LUZP2: variants seen among roughly 807,000 people sequenced by gnomAD.
LUZP2 encodes leucine zipper protein 2.
A neutral mutation model predicts 51.6 loss-of-function variants in LUZP2; 52 were observed. The ratio of observed to expected loss-of-function variants is 1.01; its 90% CI spans 0.81 to 1.27. The LOEUF (loss-of-function observed/expected upper bound fraction) is 1.27. Among genes scored for constraint, LUZP2 ranks in the 50% most tolerant of loss-of-function variants. LUZP2 has a pLI of 0.00. For synonymous variants in LUZP2, 154 were observed against 137.3 expected, an observed-to-expected ratio of 1.12 and a Z score of -0.85; for missense variants, 436 against 395.4, an observed-to-expected ratio of 1.10 and a Z score of -0.87.
At chr11:24,782,173 C>T (rs1055542320) in intron 5 of LUZP2, among the ~76,000 whole-genome samples, 1 of 152,050 alleles carries the variant, frequency 6.6e-6, no homozygotes, top group Admixed American at 6.6e-5. Context: ...TATTATACAA[C>T]TGAAGAGTTC....
chr11:25,055,011 CTTTT>C (rs71044332), intron 10 of LUZP2, among the ~76,000 whole-genome samples: 3 of 79,024 alleles, frequency 3.8e-5, no homozygotes, highest in Admixed American at 1.6e-4. Context: ...TTTTTCTTTT[CTTTT>C]TTTTTTTTTT....
chr11:25,037,510 G>A (rs946407969), intron 9 of LUZP2, among the ~76,000 whole-genome samples: 1 of 152,104 alleles, frequency 6.6e-6, no homozygotes, highest in Non-Finnish European at 1.5e-5. Flanking sequence ...TTGTTAGCTG[G>A]TTGTCATGTA....
At chr11:24,927,604 A>G (rs1175577827) in intron 7 of LUZP2, among the ~76,000 whole-genome samples, 1 of 152,034 alleles carries the variant, frequency 6.6e-6, no homozygotes, top group Non-Finnish European at 1.5e-5. Flanking sequence ...CTATATAACT[A>G]TTTTTATACC....
intron 5 of LUZP2, among the ~76,000 whole-genome samples, chr11:24,850,066 T>G (rs1005917459): frequency 1.2e-4 from 19 of 152,230 alleles, no homozygotes; most frequent in Admixed American, 1.0e-3. Context: ...CCTCCCATTC[T>G]GTAGGTTGCC....
intron 9 of LUZP2, among the ~76,000 whole-genome samples, chr11:25,025,950 A>T (rs1047113353): frequency 6.6e-6 from 1 of 152,188 alleles, no homozygotes; most frequent in African/African-American, 2.4e-5. Flanking sequence ...ACACCATGGA[A>T]TTCTATGCAG....
chr11:24,959,566 GTA>G (rs1416166732), intron 7 of LUZP2, among the ~76,000 whole-genome samples: 1 of 152,158 alleles, frequency 6.6e-6, no homozygotes, highest in African/African-American at 2.4e-5. Context: ...TGTTATTGGT[GTA>G]TAAGAATGCT....
At chr11:24,646,165 A>G (rs1245754974) in intron 1 of LUZP2, among the ~76,000 whole-genome samples, 2 of 152,100 alleles carry the variant, frequency 1.3e-5, no homozygotes, top group African/African-American at 4.8e-5. Flanking sequence ...GACTTCTCAT[A>G]AGAACTCAAT....
chr11:24,580,589 T>C lies in LUZP2; in HGVS notation c.62+83284T>C, dbSNP rs578106351. The stretch of plus-strand genomic sequence containing the variant: ...GAGTCTCACATTGAAAAAAGTATAA[T>C]CCTTTCACAAAACAAAAAAAAAATT... On this transcript the variant is annotated intron_variant, in intron 1 of 11. Coordinates refer to ENST00000336930, the MANE Select transcript of LUZP2 (RefSeq NM_001009909.4). 3.5e-3 allele frequency among the ~76,000 whole-genome samples: 526 copies of C among 151,966 alleles called. 4 individuals carry two copies. The highest frequency in any genetic ancestry group is 0.012 in the African/African-American group (500 of 41,430).
intron 1 of LUZP2, among the ~76,000 whole-genome samples, chr11:24,656,562 C>T (rs1346082819): frequency 6.6e-6 from 1 of 152,124 alleles, no homozygotes; most frequent in East Asian, 1.9e-4. Flanking sequence ...GTCTGCAGGG[C>T]CTCATTCCTT....
At chr11:24,923,600 G>T (rs1414737748) in intron 7 of LUZP2, among the ~76,000 whole-genome samples, 1 of 152,098 alleles carries the variant, frequency 6.6e-6, no homozygotes, top group East Asian at 2.0e-4. Context: ...GGGAGGCTGA[G>T]GCAGGAGTAT....
intron 1 of LUZP2, among the ~76,000 whole-genome samples, chr11:24,569,345 A>T (rs1852352219): frequency 6.6e-6 from 1 of 152,100 alleles, no homozygotes; most frequent in Non-Finnish European, 1.5e-5. Flanking sequence ...TCCTTTTTAT[A>T]TTGATAAGTA....
chr11:24,867,672 C>T (rs1851940666), intron 5 of LUZP2, among the ~76,000 whole-genome samples: 1 of 152,044 alleles, frequency 6.6e-6, no homozygotes, highest in Admixed American at 6.6e-5. Context: ...GTTTGCTTGT[C>T]AAGGAACTTG....
intron 5 of LUZP2, among the ~76,000 whole-genome samples, chr11:24,764,489 C>CAA (rs1565124723): frequency 1.8e-5 from 1 of 56,420 alleles, no homozygotes; most frequent in South Asian, 6.3e-4. Flanking sequence ...AATCTCATCT[C>CAA]TAAAAAAAAA....
chr11:24,762,478 T>C (rs547579662), intron 4 of LUZP2, among the ~76,000 whole-genome samples: 66 of 152,308 alleles, frequency 4.3e-4, no homozygotes, highest in Middle Eastern at 3.4e-3. Flanking sequence ...CCTGTGTCAT[T>C]ACTTTATTAA....
Position 24,931,403 on chromosome 11 carries a change from G to A in LUZP2, c.522+16865G>A, listed in dbSNP as rs374568453. On this transcript the variant is annotated intron_variant, in intron 7 of 11. Transcript: ENST00000336930. ...GGGTTGCCCCTCCACACCTGTGGGC[G>A]TTTCTCGTTAGGTAGAATGAGAGAC... Among the ~76,000 whole-genome samples the A allele has an allele frequency of 5.1e-4, 78 of 152,110 alleles. No individual in the cohort carries two copies. In the Middle Eastern group the frequency reaches 0.01, roughly 20 times the overall value.
intron 1 of LUZP2, among the ~76,000 whole-genome samples, chr11:24,693,289 A>G (rs1440676252): frequency 2.6e-5 from 4 of 151,476 alleles, no homozygotes; most frequent in Non-Finnish European, 5.9e-5. Flanking sequence ...GAATGGCAAT[A>G]TTTTCTGTGA....
intron 7 of LUZP2, among the ~76,000 whole-genome samples, chr11:24,929,673 A>G (rs1293712756): frequency 6.6e-5 from 10 of 152,120 alleles, no homozygotes; most frequent in Admixed American, 6.5e-4. Context: ...CCATGTGCCA[A>G]TGAATAGAGT....
intron 5 of LUZP2, among the ~76,000 whole-genome samples, chr11:24,852,439 G>A (rs1003324911): frequency 5.3e-5 from 8 of 152,118 alleles, no homozygotes; most frequent in Admixed American, 2.0e-4. Context: ...TTAATCCTGA[G>A]TTCTAATTTT....
Position 24,538,697 on chromosome 11 carries a change from AT to A in LUZP2, c.62+41393del, listed in dbSNP as rs548666462. 2.4e-3 allele frequency among the ~76,000 whole-genome samples: 359 copies of A among 151,696 alleles called. 4 individuals carry two copies. Among genetic ancestry groups the A allele is most frequent in the African/African-American group, 8.2e-3 (341 of 41,454 alleles). ...ATATATATATAAAACTTTCAAAAAA[AT>A]AAGTCCATTTCTGATAATTTATTTT... On this transcript the variant is annotated intron_variant, in intron 1 of 11. Coordinates refer to ENST00000336930, the MANE Select transcript of LUZP2 (RefSeq NM_001009909.4).
Sources: allele counts gnomAD v4.1 joint callset (sites outside exome capture counted in the v4.1 genomes callset), GRCh38; gene constraint gnomAD v4.1.1; transcripts MANE v1.5; gene names NCBI Gene and HGNC (gene_info 2026-07-23, HGNC 2026-07-21).